Variants in GRM8 observed in about 807,000 individuals in gnomAD.
GRM8 encodes the protein metabotropic glutamate receptor 8.
In GRM8, 47 loss-of-function variants were observed where a neutral mutation model predicts 87.2. The ratio of observed to expected loss-of-function variants is 0.54; its 90% confidence interval spans 0.43 to 0.69. The LOEUF (loss-of-function observed/expected upper bound fraction) is 0.69, where lower values mean the gene tolerates loss of function less well. Among genes scored for constraint, GRM8 ranks in the 30% least tolerant of loss-of-function variants. GRM8 has a pLI of 0.00. For missense variants in GRM8, 1,019 were observed against 1,139.2 expected (o/e 0.89, Z 1.52); for synonymous variants, 396 against 404.5 (o/e 0.98, Z 0.25).
intron 7 of GRM8, among the ~76,000 whole-genome samples, chr7:126,630,415 CCA>C (rs1272189556): frequency 6.6e-6 from 1 of 151,966 alleles, no homozygotes; most frequent in Non-Finnish European, 1.5e-5. Context: ...AAGTCCAGGA[CCA>C]GACATATTAG....
At chr7:126,901,070 C>T (rs573325598) in intron 6 of GRM8, among the ~76,000 whole-genome samples, 170 of 152,294 alleles carry the variant, frequency 1.1e-3, no homozygotes, top group African/African-American at 4.0e-3. Flanking sequence ...TGGCTCCAGA[C>T]TATCATCAAA....
chr7:126,550,089 T>G (rs1166576889), intron 8 of GRM8, among the ~76,000 whole-genome samples: 3 of 151,208 alleles, frequency 2.0e-5, no homozygotes, highest in African/African-American at 7.3e-5. Flanking sequence ...AGTTCCAGAG[T>G]AGAGTGAAAA....
intron 3 of GRM8, among the ~76,000 whole-genome samples, chr7:126,958,227 A>T (rs1808938217): frequency 6.6e-6 from 1 of 152,146 alleles, no homozygotes; most frequent in South Asian, 2.1e-4. Context: ...CTCAGGACCC[A>T]CCGAATGGTG....
At chr7:127,108,507 C>A (rs944043987) in intron 2 of GRM8, among the ~76,000 whole-genome samples, 17 of 152,068 alleles carry the variant, frequency 1.1e-4, no homozygotes, top group African/African-American at 4.1e-4. Flanking sequence ...TACACCATTT[C>A]TTTGTCCTAT....
At chr7:127,152,643 G>C (rs1246255801) in intron 2 of GRM8, among the ~76,000 whole-genome samples, 3 of 152,056 alleles carry the variant, frequency 2.0e-5, no homozygotes, top group African/African-American at 7.2e-5. Flanking sequence ...TCAGCCTAGT[G>C]TCCTTAGGTG....
intron 8 of GRM8, among the ~76,000 whole-genome samples, chr7:126,593,877 T>A (rs1235256680): frequency 1.3e-5 from 2 of 151,920 alleles, no homozygotes; most frequent in African/African-American, 4.8e-5. Context: ...CCAAAATATA[T>A]GATACTCAAA....
intron 9 of GRM8, among the ~76,000 whole-genome samples, chr7:126,485,710 T>A (rs931930315): frequency 6.6e-6 from 1 of 152,020 alleles, no homozygotes; most frequent in Non-Finnish European, 1.5e-5. Context: ...GTTAACCTTT[T>A]CGGCCTGAGA....
intron 7 of GRM8, among the ~76,000 whole-genome samples, chr7:126,707,148 T>C: frequency 6.6e-6 from 1 of 152,152 alleles, no homozygotes; most frequent in Non-Finnish European, 1.5e-5. Flanking sequence ...TATTTTTTTT[T>C]AAATGTCTAA....
intron 8 of GRM8, among the ~76,000 whole-genome samples, chr7:126,586,205 T>C (rs1020754537): frequency 6.6e-6 from 1 of 152,126 alleles, no homozygotes; most frequent in African/African-American, 2.4e-5. Flanking sequence ...TGGAAGAACA[T>C]TCCATGCTCA....
intron 7 of GRM8, among the ~76,000 whole-genome samples, chr7:126,641,863 C>T (rs1802426297): frequency 6.6e-6 from 1 of 152,038 alleles, no homozygotes; most frequent in African/African-American, 2.4e-5. Flanking sequence ...GCACATGTCT[C>T]TTGTGGCAAA....
intron 6 of GRM8, among the ~76,000 whole-genome samples, chr7:126,852,055 G>T (rs769146209): frequency 6.6e-6 from 1 of 152,120 alleles, no homozygotes; most frequent in Non-Finnish European, 1.5e-5. Flanking sequence ...ATCTCCACTG[G>T]CTGGAGGGGT....
At chr7:126,768,194 C>A (rs1818412276) in intron 7 of GRM8, among the ~76,000 whole-genome samples, 1 of 151,778 alleles carries the variant, frequency 6.6e-6, no homozygotes, top group Admixed American at 6.6e-5. Flanking sequence ...GCACTCATTG[C>A]AGATTACATA....
chr7:127,055,548 C>A (rs534458715), intron 3 of GRM8, among the ~76,000 whole-genome samples: 1 of 152,032 alleles, frequency 6.6e-6, no homozygotes, highest in Non-Finnish European at 1.5e-5. Context: ...GAAAATAAAT[C>A]CATAATCTAC....
At chr7:126,610,296 A>T (rs1798788665) in intron 7 of GRM8, among the ~76,000 whole-genome samples, 1 of 152,186 alleles carries the variant, frequency 6.6e-6, no homozygotes, top group African/African-American at 2.4e-5. Flanking sequence ...TTCTTGTTCC[A>T]TCTAGCTTCA....
At chr7:126,789,247 C>G (rs921690030) in intron 6 of GRM8, among the ~76,000 whole-genome samples, 2 of 151,748 alleles carry the variant, frequency 1.3e-5, no homozygotes, top group Non-Finnish European at 1.5e-5. Flanking sequence ...AAAAAAAACA[C>G]ACAATGAAGC....
intron 7 of GRM8, among the ~76,000 whole-genome samples, chr7:126,743,625 T>C (rs1013652167): frequency 5.9e-5 from 9 of 152,266 alleles, no homozygotes; most frequent in Admixed American, 2.6e-4. Flanking sequence ...TTATACCAAG[T>C]GGAGGTATTA....
At chr7:127,189,274 A>G (rs1408268281) in intron 2 of GRM8, among the ~76,000 whole-genome samples, 1 of 152,180 alleles carries the variant, frequency 6.6e-6, no homozygotes. Flanking sequence ...TGTAAACAGT[A>G]ATTCTCAAGT....
Position 126,606,179 on chromosome 7 carries a change from G to C in GRM8, c.1494+3183C>G, listed in dbSNP as rs184932702. ...AGACAGGCAGAAAGGACTGGCTGTG[G>C]GGACAGTCAGCATTTTAAATGCAGA... On this transcript the variant is annotated intron_variant, in intron 8 of 10. Transcript: ENST00000339582. 8.6e-3 allele frequency among the ~76,000 whole-genome samples: 1,311 copies of C among 152,204 alleles called. 4 individuals are homozygous for C. Among genetic ancestry groups the C allele is most frequent in the Non-Finnish European group, 0.013 (917 of 68,010 alleles).
At chr7:126,537,368 T>G (rs993258912) in intron 8 of GRM8, among the ~76,000 whole-genome samples, 1 of 152,220 alleles carries the variant, frequency 6.6e-6, no homozygotes, top group Non-Finnish European at 1.5e-5. Flanking sequence ...GAAAACCAAC[T>G]AGTATCCACT....
Sources: allele counts gnomAD v4.1 joint callset (sites outside exome capture counted in the v4.1 genomes callset), GRCh38; gene constraint gnomAD v4.1.1; transcripts MANE v1.5; gene names NCBI Gene and HGNC (gene_info 2026-07-23, HGNC 2026-07-21).